Variants in PUS7 observed in about 807,000 individuals in gnomAD.
PUS7 encodes pseudouridylate synthase 7 homolog.
PUS7 carries 48 observed loss-of-function variants against 79.8 expected under a neutral mutation model. The observed-to-expected ratio is 0.60, with a 90% CI of 0.48 to 0.76. PUS7 has a LOEUF of 0.76. Among genes scored for constraint, PUS7 ranks in the 30% least tolerant of loss-of-function variants. The probability of loss-of-function intolerance (pLI) is 0.00; values close to 1 mark genes in which losing one functional copy is unlikely to be tolerated. For missense variants in PUS7, 729 were observed against 797.6 expected (o/e 0.91, Z 1.04); for synonymous variants, 286 against 272.2 (o/e 1.05, Z -0.50).
intron 13 of PUS7, among the ~76,000 whole-genome samples, chr7:105,463,823 AAATT>A (rs564563243): frequency 1.2e-3 from 188 of 152,318 alleles, no homozygotes; most frequent in Middle Eastern, 6.8e-3. Context: ...TGTGTTTTTA[AAATT>A]AATACTGCAA....
intron 7 of PUS7, among the ~76,000 whole-genome samples, chr7:105,488,082 G>A (rs1824628261): frequency 6.6e-6 from 1 of 152,080 alleles, no homozygotes; most frequent in African/African-American, 2.4e-5. Context: ...CCAACATTTA[G>A]GTGTCTAACA....
At position 105,508,174 on chromosome 7, in the gene PUS7, G is replaced by A. The variant is rs372054713; in HGVS notation, c.339C>T (p.Asp113=). Residue 113 remains aspartate (D), a synonymous_variant, in exon 2 of 16, where the codon GAC becomes GAT. Transcript: ENST00000469408. ...AACTCACAAACTTGGTGATGCCTAC[G>A]TCAGCCTCAGTGAGTCCATGCTTCA... ...DMMKHGLTEA[D]VGITKFVSSH... is the part of the protein sequence containing the mutation. 9.9e-6 allele frequency: 16 copies of A among 1,614,048 alleles called. No homozygotes were observed. Among genetic ancestry groups the A allele is most frequent in the East Asian group, 8.9e-5 (4 of 44,888 alleles).
At chr7:105,502,716 T>G (rs1586163263) in intron 4 of PUS7, 152 bp from the exon 5 acceptor site, 6 of 918,798 alleles carry the variant, frequency 6.5e-6, no homozygotes, top group Non-Finnish European at 9.6e-6. Flanking sequence ...TTATTTTTAT[T>G]TTTTTGACAG....
chr7:105,462,455 A>C, intron 14 of PUS7, 166 bp downstream of exon 14: 1 of 759,972 alleles, frequency 1.3e-6, no homozygotes, highest in South Asian at 2.1e-5. Flanking sequence ...AAAAAAACAA[A>C]AGGTAAGTAA....
intron 7 of PUS7, among the ~76,000 whole-genome samples, chr7:105,489,244 C>G (rs950015821): frequency 4.7e-5 from 7 of 149,506 alleles, no homozygotes; most frequent in African/African-American, 1.7e-4. Context: ...ACAGAGCCAG[C>G]TAGAAATCAC....
chr7:105,483,041 T>C (rs1398973311), intron 7 of PUS7, among the ~76,000 whole-genome samples: 1 of 152,174 alleles, frequency 6.6e-6, no homozygotes, highest in Non-Finnish European at 1.5e-5. Context: ...CTGCTATCAA[T>C]ATATAGAAAT....
rs1586075471 is a variant in PUS7 at position 105,457,364 on chromosome 7, A to T, written c.*426T>A. Reference sequence around the variant, plus strand: ...TTTATATTTGTGGGTGGCAGCTCTCAAATTATTTATCCATAGTCCAGATTT... The same window carrying T: ...TTTATATTTGTGGGTGGCAGCTCTCTAATTATTTATCCATAGTCCAGATTT... On this transcript the variant is annotated 3_prime_UTR_variant, in exon 16 of 16. Coordinates refer to ENST00000469408, the MANE Select transcript of PUS7 (RefSeq NM_019042.5). 1.3e-5 allele frequency: 2 copies of T among 152,928 alleles called. No homozygotes were observed. Among genetic ancestry groups the T allele is most frequent in the South Asian group, 4.1e-4 (2 of 4,836 alleles). The allele number at this position is 152,928 out of a possible 1,614,324, so 9.5% of individuals were successfully genotyped here.
At chr7:105,519,970 T>C (rs918296969) in intron 1 of PUS7, among the ~76,000 whole-genome samples, 10 of 152,162 alleles carry the variant, frequency 6.6e-5, no homozygotes, top group Admixed American at 2.6e-4. Flanking sequence ...CTCTCTCTCC[T>C]AGGTAAGGAA....
At chr7:105,514,607 AAAAAGAAAAGAAAAG>A (rs146058760) in intron 1 of PUS7, among the ~76,000 whole-genome samples, 6 of 151,344 alleles carry the variant, frequency 4.0e-5, no homozygotes, top group African/African-American at 7.3e-5. Flanking sequence ...CCATCTCAAA[AAAAAGAAAAGAAAAG>A]AAAAGAAAAG....
At chr7:105,473,370 C>T (rs1823952403) in intron 9 of PUS7, among the ~76,000 whole-genome samples, 1 of 151,966 alleles carries the variant, frequency 6.6e-6, no homozygotes, top group South Asian at 2.1e-4. Flanking sequence ...CTGCATCATC[C>T]TCCTGCACAG....
intron 15 of PUS7, among the ~76,000 whole-genome samples, chr7:105,458,918 G>C (rs528042157): frequency 6.6e-6 from 1 of 152,084 alleles, no homozygotes; most frequent in African/African-American, 2.4e-5. Flanking sequence ...GTAAGTCTCT[G>C]TGGGGGATGG....
chr7:105,462,767 A>C lies in PUS7; in HGVS notation c.1628-17T>G. ...CTTCTTGAACTAATATAAAATACAA[A>C]AAGTTAGTTGAAATGCAGCTTGTCA... On this transcript the variant is annotated splice_polypyrimidine_tract_variant and intron_variant, in intron 13 of 15. Coordinates refer to ENST00000469408, the MANE Select transcript of PUS7 (RefSeq NM_019042.5). The C allele has an allele frequency of 6.2e-7, 1 of 1,600,954 alleles. No homozygotes were observed. The highest frequency in any genetic ancestry group is 8.5e-7 in the Non-Finnish European group (1 of 1,175,860).
chr7:105,491,218 C>G (rs1824766569), intron 7 of PUS7, among the ~76,000 whole-genome samples: 1 of 152,106 alleles, frequency 6.6e-6, no homozygotes, highest in African/African-American at 2.4e-5. Flanking sequence ...CAGACTATTG[C>G]TTTTATCTGT....
chr7:105,495,224 T>C lies in PUS7; in HGVS notation c.760A>G (p.Arg254Gly). The change falls in exon 6 of 16, where the codon AGG (arginine) becomes GGG (glycine). Residue 254 changes from arginine (R) to glycine (G), a missense_variant. Transcript: ENST00000469408. Reference protein sequence around the residue: ...NPRKHSWPKSRGSYCHFVLYK... With the variant: ...NPRKHSWPKSGGSYCHFVLYK... The stretch of plus-strand genomic sequence containing the variant: ...AGTACGAAGTGGCAGTAACTTCCCC[T>C]AGATTTTGGCCAAGAATGTTTTCTT... 2.5e-6 allele frequency: 4 copies of C among 1,612,056 alleles called. No individual in the cohort carries two copies. Among genetic ancestry groups the C allele is most frequent in the Non-Finnish European group, 3.4e-6 (4 of 1,178,706 alleles).
intron 1 of PUS7, among the ~76,000 whole-genome samples, chr7:105,518,234 G>A (rs189984735): frequency 5.2e-4 from 79 of 151,902 alleles, no homozygotes; most frequent in African/African-American, 3.4e-4. Context: ...GATCCACTGC[G>A]CCCAGGACGT....
intron 1 of PUS7, among the ~76,000 whole-genome samples, chr7:105,521,411 C>T (rs993068567): frequency 6.6e-6 from 1 of 152,230 alleles, no homozygotes; most frequent in African/African-American, 2.4e-5. Context: ...TCAGCTTGCA[C>T]AGCAGCACCT....
intron 5 of PUS7, among the ~76,000 whole-genome samples, chr7:105,499,930 G>A (rs1044143758): frequency 6.6e-6 from 1 of 152,186 alleles, no homozygotes; most frequent in Non-Finnish European, 1.5e-5. Flanking sequence ...ATAATCTTTG[G>A]ATACCAGCTC....
At chr7:105,505,739 T>C (rs544673921) in intron 4 of PUS7, among the ~76,000 whole-genome samples, 25 of 152,152 alleles carry the variant, frequency 1.6e-4, no homozygotes, top group African/African-American at 6.0e-4. Context: ...AAAATGTTTT[T>C]AAACAAAAAT....
chr7:105,461,043 A>C (rs1052716453), intron 14 of PUS7, among the ~76,000 whole-genome samples: 14 of 151,922 alleles, frequency 9.2e-5, no homozygotes, highest in Admixed American at 1.3e-4. Context: ...AATTTTTGTA[A>C]TTTTTTGTAG....
Sources: allele counts gnomAD v4.1 joint callset (sites outside exome capture counted in the v4.1 genomes callset), GRCh38; gene constraint gnomAD v4.1.1; transcripts MANE v1.5; gene names NCBI Gene and HGNC (gene_info 2026-07-23, HGNC 2026-07-21).